The following VTI1A variants were observed in gnomAD, a reference collection of about 807,000 sequenced individuals.
VTI1A encodes the protein vesicle transport through interaction with t-SNAREs 1A.
Under a neutral mutation model 34.9 loss-of-function variants are expected in VTI1A, and 22 were observed. The ratio of observed to expected loss-of-function variants is 0.63; its 90% CI spans 0.45 to 0.90. The LOEUF is 0.90. Ranked by LOEUF, VTI1A falls within the 40% of genes least tolerant of loss-of-function variation. VTI1A has a pLI of 0.00. For missense variants in VTI1A, 268 were observed against 275.6 expected (o/e 0.97, Z 0.20); for synonymous variants, 87 against 97.3 (o/e 0.89, Z 0.62).
intron 7 of VTI1A, among the ~76,000 whole-genome samples, chr10:112,757,320 C>CTT (rs1851317611): frequency 7.8e-6 from 1 of 129,000 alleles, no homozygotes; most frequent in Admixed American, 7.8e-5. Flanking sequence ...AGCTCTTTTG[C>CTT]CTTTGCTTTC....
intron 3 of VTI1A, among the ~76,000 whole-genome samples, chr10:112,484,041 A>G (rs1160454887): frequency 6.6e-6 from 1 of 152,232 alleles, no homozygotes. Flanking sequence ...TCTAATGTGT[A>G]GAGTTTAAAG....
the VTI1A span, among the ~76,000 whole-genome samples, chr10:112,842,283 C>T: frequency 6.6e-6 from 1 of 152,116 alleles, no homozygotes; most frequent in South Asian, 2.1e-4. Flanking sequence ...TTCATGAGAC[C>T]TGCCCCACCC....
At chr10:112,695,101 C>A (rs1037691977) in intron 7 of VTI1A, among the ~76,000 whole-genome samples, 6 of 152,038 alleles carry the variant, frequency 3.9e-5, no homozygotes, top group Non-Finnish European at 2.9e-5. Context: ...TTTTTTTGAG[C>A]TTTGTCTTTC....
intron 5 of VTI1A, among the ~76,000 whole-genome samples, chr10:112,618,558 A>G (rs1845609084): frequency 1.7e-5 from 1 of 57,352 alleles, no homozygotes; most frequent in African/African-American, 7.4e-5. Flanking sequence ...GTAAATGTCA[A>G]AAGGTAATAT....
chr10:112,468,168 G>T (rs951151357), intron 3 of VTI1A, among the ~76,000 whole-genome samples: 2 of 152,138 alleles, frequency 1.3e-5, no homozygotes, highest in Non-Finnish European at 2.9e-5. Context: ...CCGTGGTAAA[G>T]ACCTTGGCTT....
intron 7 of VTI1A, among the ~76,000 whole-genome samples, chr10:112,795,562 G>A (rs1852645897): frequency 6.6e-6 from 1 of 151,172 alleles, no homozygotes; most frequent in Non-Finnish European, 1.5e-5. Context: ...AGCTTCCCAA[G>A]TAGCTGAGAC....
At chr10:112,467,430 A>G (rs1371367827) in intron 3 of VTI1A, among the ~76,000 whole-genome samples, 2 of 152,174 alleles carry the variant, frequency 1.3e-5, no homozygotes, top group Non-Finnish European at 2.9e-5. Context: ...TGGGCTACAC[A>G]TAAAATATCC....
intron 5 of VTI1A, among the ~76,000 whole-genome samples, chr10:112,623,436 CTTT>C (rs36045478): frequency 2.7e-4 from 36 of 134,104 alleles, no homozygotes; most frequent in Non-Finnish European, 2.6e-4. Context: ...TTAAAATAAC[CTTT>C]TTTTTTTTTT....
intron 5 of VTI1A, among the ~76,000 whole-genome samples, chr10:112,654,375 C>T (rs1028658607): frequency 4.6e-5 from 7 of 152,058 alleles, no homozygotes; most frequent in Admixed American, 4.6e-4. Flanking sequence ...ATAATTTGAG[C>T]TCAGTTTAGA....
intron 5 of VTI1A, among the ~76,000 whole-genome samples, chr10:112,645,733 A>T (rs1250711784): frequency 6.6e-6 from 1 of 152,176 alleles, no homozygotes; most frequent in Non-Finnish European, 1.5e-5. Context: ...TGATAAGTGT[A>T]TATCTAGTGT....
chr10:112,704,801 G>T (rs1372039844), intron 7 of VTI1A, among the ~76,000 whole-genome samples: 2 of 151,652 alleles, frequency 1.3e-5, no homozygotes, highest in East Asian at 1.9e-4. Flanking sequence ...TGATAAAAAT[G>T]ATGCTAGGTC....
In VTI1A at chr10:112,753,374, CT is replaced by C. The variant is rs201999208; in HGVS notation, c.561-61912del. Among the ~76,000 whole-genome samples the C allele has an allele frequency of 5.9e-4, 89 of 152,068 alleles. 3 individuals carry two copies. In the East Asian group the frequency reaches 0.017, roughly 29 times the overall value. On this transcript the variant is annotated intron_variant, in intron 7 of 7. Transcript: ENST00000393077. Reference sequence around the variant, plus strand: ...AACTCTAGAAAGGGATTAAGTTTGTCTTTTATTTTTTGTTTTTTTCCCAAAA... The same window carrying C: ...AACTCTAGAAAGGGATTAAGTTTGTCTTTATTTTTTGTTTTTTTCCCAAAA...
At chr10:112,580,656 T>C (rs925773184) in intron 5 of VTI1A, among the ~76,000 whole-genome samples, 16 of 151,806 alleles carry the variant, frequency 1.1e-4, no homozygotes, top group Non-Finnish European at 2.2e-4. Flanking sequence ...TGTAGGGTAG[T>C]AGGGAGTGCA....
At chr10:112,742,118 G>T (rs1850715274) in intron 7 of VTI1A, among the ~76,000 whole-genome samples, 1 of 152,158 alleles carries the variant, frequency 6.6e-6, no homozygotes, top group African/African-American at 2.4e-5. Flanking sequence ...GAAAAATGTG[G>T]AATTTCCTGC....
intron 7 of VTI1A, among the ~76,000 whole-genome samples, chr10:112,776,570 T>C (rs1370428959): frequency 2.6e-5 from 4 of 152,208 alleles, no homozygotes; most frequent in Middle Eastern, 3.4e-3. Context: ...AGTGGCACCA[T>C]CCCTACCTCC....
At chr10:112,486,563 A>T (rs531882221) in intron 3 of VTI1A, among the ~76,000 whole-genome samples, 1 of 147,394 alleles carries the variant, frequency 6.8e-6, no homozygotes, top group East Asian at 2.0e-4. Context: ...TAGCCTTGGA[A>T]ATCTGAGTTT....
At chr10:112,589,571 G>C (rs935356227) in intron 5 of VTI1A, among the ~76,000 whole-genome samples, 1 of 152,146 alleles carries the variant, frequency 6.6e-6, no homozygotes, top group South Asian at 2.1e-4. Context: ...GAATTCTAAA[G>C]AATAACATCT....
At chr10:112,522,218 A>G (rs766883116) in intron 3 of VTI1A, among the ~76,000 whole-genome samples, 1 of 152,050 alleles carries the variant, frequency 6.6e-6, no homozygotes, top group African/African-American at 2.4e-5. Flanking sequence ...TTTTTAATAG[A>G]TGTATCACCT....
chr10:112,477,911 G>T (rs763634228), intron 3 of VTI1A, among the ~76,000 whole-genome samples: 1 of 152,088 alleles, frequency 6.6e-6, no homozygotes, highest in Non-Finnish European at 1.5e-5. Context: ...TAAGGCTAGA[G>T]TTGTCTTACT....
Sources: allele counts gnomAD v4.1 joint callset (sites outside exome capture counted in the v4.1 genomes callset), GRCh38; gene constraint gnomAD v4.1.1; transcripts MANE v1.5; gene names NCBI Gene and HGNC (gene_info 2026-07-23, HGNC 2026-07-21).